Variants in LRRN3 observed in about 807,000 individuals in gnomAD.
LRRN3 encodes leucine-rich repeat neuronal protein 3.
In LRRN3, 15 loss-of-function variants were observed where a neutral mutation model predicts 40.1. The ratio of observed to expected loss-of-function variants is 0.37; its 90% confidence interval spans 0.25 to 0.58. The LOEUF (loss-of-function observed/expected upper bound fraction) is 0.58. LRRN3 is among the 20% of genes least tolerant of loss of function. The pLI is 0.72. For synonymous variants in LRRN3, 308 were observed against 297.2 expected, an observed-to-expected ratio of 1.04 and a Z score of -0.37; for missense variants, 746 against 837.7, an observed-to-expected ratio of 0.89 and a Z score of 1.35.
intron 1 of LRRN3, among the ~76,000 whole-genome samples, chr7:111,099,014 A>G (rs1586251372): frequency 6.6e-6 from 1 of 151,834 alleles, no homozygotes; most frequent in Admixed American, 6.6e-5. Flanking sequence ...GTGATGCTTT[A>G]ATTATTTATA....
intron 2 of LRRN3, among the ~76,000 whole-genome samples, chr7:111,101,296 T>A (rs139778488): frequency 1.3e-5 from 2 of 151,586 alleles, no homozygotes; most frequent in East Asian, 3.9e-4. Flanking sequence ...TCCCTAGTCA[T>A]TGAACAGAAC....
chr7:111,108,198 A>C (rs1174816339), intron 2 of LRRN3, among the ~76,000 whole-genome samples: 4 of 152,196 alleles, frequency 2.6e-5, no homozygotes, highest in African/African-American at 9.6e-5. Context: ...GCTGGCAACA[A>C]GCATGGTCTG....
At chr7:111,116,371 A>C (rs1459707846) in intron 2 of LRRN3, among the ~76,000 whole-genome samples, 3 of 152,220 alleles carry the variant, frequency 2.0e-5, no homozygotes, top group African/African-American at 7.2e-5. Flanking sequence ...CCAGTTTGAA[A>C]ATCTCAAAAT....
At chr7:111,112,806 A>C (rs1371408996) in intron 2 of LRRN3, among the ~76,000 whole-genome samples, 1 of 152,194 alleles carries the variant, frequency 6.6e-6, no homozygotes, top group East Asian at 1.9e-4. Context: ...ATAGTAACAG[A>C]AAAGCACCAT....
In LRRN3 at chr7:111,124,516, C is replaced by T; in HGVS notation, c.1744C>T (p.His582Tyr). The part of the protein sequence containing the change: ...PSDVKVYNLT[H>Y]LNPSTEYKIC... Reference sequence around the variant, plus strand: ...TGATGTCAAGGTATATAATCTTACTCATCTGAATCCATCAACTGAGTATAA... The same window carrying T: ...TGATGTCAAGGTATATAATCTTACTTATCTGAATCCATCAACTGAGTATAA... Residue 582 changes from histidine to tyrosine, a missense_variant, in exon 3 of 3, where the codon CAT becomes TAT. Coordinates refer to ENST00000308478, the MANE Select transcript of LRRN3 (RefSeq NM_001099658.2). The T allele has an allele frequency of 6.2e-7, 1 of 1,613,776 alleles. No individual in the cohort carries two copies. The highest frequency in any genetic ancestry group is 8.5e-7 in the Non-Finnish European group (1 of 1,179,876).
At chr7:111,109,239 TA>T (rs2129582509) in intron 2 of LRRN3, among the ~76,000 whole-genome samples, 1 of 152,254 alleles carries the variant, frequency 6.6e-6, no homozygotes, top group African/African-American at 2.4e-5. Context: ...GATAAACCAT[TA>T]ACTTTCCTTC....
intron 2 of LRRN3, among the ~76,000 whole-genome samples, chr7:111,107,063 A>G (rs542991758): frequency 6.6e-6 from 1 of 152,136 alleles, no homozygotes; most frequent in East Asian, 1.9e-4. Context: ...GAGACAGTTA[A>G]GCTGCAATGT....
chr7:111,107,798 A>G (rs1798715657), intron 2 of LRRN3, among the ~76,000 whole-genome samples: 2 of 152,116 alleles, frequency 1.3e-5, no homozygotes, highest in Admixed American at 1.3e-4. Flanking sequence ...CTGTTGCAAC[A>G]TTTCAAAGCT....
At chr7:111,108,739 A>C (rs763832249) in intron 2 of LRRN3, among the ~76,000 whole-genome samples, 1 of 152,178 alleles carries the variant, frequency 6.6e-6, no homozygotes, top group Non-Finnish European at 1.5e-5. Context: ...TCATCACTCA[A>C]TAGTTCATGC....
At position 111,123,249 on chromosome 7, in the gene LRRN3, C is replaced by T; in HGVS notation, c.477C>T (p.Ala159=). 6 of 1,613,862 alleles carry T rather than the reference C, an allele frequency of 3.7e-6. No homozygotes were observed. Among genetic ancestry groups the T allele is most frequent in the Non-Finnish European group, 5.1e-6 (6 of 1,179,916 alleles). The change falls in exon 3 of 3, where the codon GCC becomes GCT. Residue 159 remains alanine (A), a synonymous_variant. Transcript: ENST00000308478. The surrounding 1 kb of genome is among the most constrained non-coding windows in gnomAD (Gnocchi z 6.4). The part of the protein sequence containing the change: ...HNLLSTISPG[A]FIGLHNLLRL... ...TGCTTTCTACAATTTCACCTGGAGCCTTTATTGGCCTACATAATCTTCTTC... is the reference window on the plus strand; with the variant it reads ...TGCTTTCTACAATTTCACCTGGAGCTTTTATTGGCCTACATAATCTTCTTC...
In LRRN3 at chr7:111,124,932, C is replaced by CAAAA; in HGVS notation, c.*43_*46dup. ...CAAGGAAACCTACTCCAAAAATGAA[C>CAAAA]AAAAAAAAAAAAAGCGAAAGACTGC... On this transcript the variant is annotated 3_prime_UTR_variant, in exon 3 of 3. Transcript: ENST00000308478. 2.3e-6 allele frequency: 2 copies of CAAAA among 888,484 alleles called. No homozygotes were observed. Among genetic ancestry groups the CAAAA allele is most frequent in the Non-Finnish European group, 3.1e-6 (2 of 654,660 alleles). The allele number at this position is 888,484 out of a possible 1,614,324, so 55.0% of individuals were successfully genotyped here.
intron 2 of LRRN3, among the ~76,000 whole-genome samples, chr7:111,120,554 A>G (rs902640902): frequency 6.6e-6 from 1 of 152,152 alleles, no homozygotes. Flanking sequence ...CAGCCAAACC[A>G]TATCAGTGAT....
At chr7:111,102,852 A>G (rs998983056) in intron 2 of LRRN3, among the ~76,000 whole-genome samples, 4 of 151,584 alleles carry the variant, frequency 2.6e-5, no homozygotes, top group Non-Finnish European at 4.4e-5. Flanking sequence ...TAAAATAATT[A>G]CAATCTTTGA....
rs769476294 is a variant in LRRN3 at position 111,124,852 on chromosome 7, C to A, written c.2080C>A (p.Leu694Met). 6.2e-7 allele frequency: 1 copy of A among 1,609,982 alleles called. No individual in the cohort carries two copies. Among genetic ancestry groups the A allele is most frequent in the Non-Finnish European group, 8.5e-7 (1 of 1,179,408 alleles). Residue 694 changes from leucine to methionine, a missense_variant, in exon 3 of 3, where the codon CTG becomes ATG. Leu to Met is a conservative substitution (Grantham distance 15, BLOSUM62 2). Coordinates refer to ENST00000308478, the MANE Select transcript of LRRN3 (RefSeq NM_001099658.2). ...WEAGKEKSTS[L>M]KVKATVIGLP... is the part of the protein sequence containing the mutation. ...AGCAGGAAAAGAAAAAAGTACATCACTGAAAGTAAAAGCAACTGTTATAGG... is the reference window on the plus strand; with the variant it reads ...AGCAGGAAAAGAAAAAAGTACATCAATGAAAGTAAAAGCAACTGTTATAGG...
intron 2 of LRRN3, among the ~76,000 whole-genome samples, chr7:111,101,574 C>T (rs1443462707): frequency 2.0e-5 from 3 of 151,010 alleles, no homozygotes; most frequent in East Asian, 3.9e-4. Flanking sequence ...GACAATCGTT[C>T]GAATTAATAC....
chr7:111,100,301 A>G (rs1267467317), intron 2 of LRRN3, among the ~76,000 whole-genome samples: 2 of 151,244 alleles, frequency 1.3e-5, no homozygotes, highest in Non-Finnish European at 3.0e-5. Flanking sequence ...ATTTATCCTT[A>G]GAGAAGCATT....
intron 1 of LRRN3, among the ~76,000 whole-genome samples, chr7:111,097,616 T>C (rs1335456526): frequency 6.6e-6 from 1 of 151,910 alleles, no homozygotes; most frequent in African/African-American, 2.4e-5. Context: ...AAAATAGACA[T>C]GTATTTTTCA....
rs1801167743 is a variant in LRRN3 at position 111,125,221 on chromosome 7, A to C, written c.*322A>C. On this transcript the variant is annotated 3_prime_UTR_variant, in exon 3 of 3. Transcript: ENST00000308478. ...TTTCTGTATTTTTTTTAAGTAAATA[A>C]GAGTAGTTGAACTGAGCAATACCTC... 4.2e-6 allele frequency: 1 copy of C among 235,330 alleles called. No homozygotes were observed. The highest frequency in any genetic ancestry group is 8.9e-6 in the Non-Finnish European group (1 of 112,244). 14.6% of individuals were successfully genotyped at this position (235,330 alleles called of 1,614,324 possible).
chr7:111,091,940 A>T (rs1796915531), intron 1 of LRRN3, among the ~76,000 whole-genome samples: 1 of 152,092 alleles, frequency 6.6e-6, no homozygotes, highest in Non-Finnish European at 1.5e-5. Context: ...TCTTCACATT[A>T]TTTGTAGTGA....
Sources: gnomAD v4.1 joint callset for allele counts (sites outside exome capture counted in the v4.1 genomes callset) on GRCh38, gnomAD v4.1.1 for gene constraint, Gnocchi (gnomAD v3.1) non-coding constraint, MANE v1.5 for transcripts, NCBI Gene and HGNC (gene_info 2026-07-23, HGNC 2026-07-21) for gene names.